The following GRM7 variants were observed in gnomAD, a reference collection of about 807,000 sequenced individuals.
GRM7 encodes the protein metabotropic glutamate receptor 7.
GRM7 carries 35 observed loss-of-function variants against 84.5 expected under a neutral mutation model. That is an observed-to-expected ratio of 0.41 (90% CI 0.32 to 0.55). GRM7 has a LOEUF of 0.55. Ranked by LOEUF, GRM7 falls within the 20% of genes least tolerant of loss-of-function variation. The pLI is 0.19. For missense variants in GRM7, 1,003 were observed against 1,194.6 expected (o/e 0.84, Z 2.36); for synonymous variants, 487 against 455.1 (o/e 1.07, Z -0.89).
At chr3:7,657,885 C>A (rs1273517606) in intron 8 of GRM7, among the ~76,000 whole-genome samples, 1 of 152,156 alleles carries the variant, frequency 6.6e-6, no homozygotes, top group African/African-American at 2.4e-5. Flanking sequence ...ACTGACCAGG[C>A]TGGCAGCTAA....
intron 8 of GRM7, among the ~76,000 whole-genome samples, chr3:7,604,803 T>C (rs951477128): frequency 1.3e-5 from 2 of 152,148 alleles, no homozygotes; most frequent in Non-Finnish European, 1.5e-5. Flanking sequence ...AGTTTCTGAA[T>C]TGAAGGTAGG....
intron 4 of GRM7, among the ~76,000 whole-genome samples, chr3:7,313,468 A>G (rs955356104): frequency 6.6e-6 from 1 of 152,194 alleles, no homozygotes; most frequent in Non-Finnish European, 1.5e-5. Flanking sequence ...TTTAAGCTAT[A>G]TATTTTGTTA....
intron 9 of GRM7, among the ~76,000 whole-genome samples, chr3:7,733,258 AG>A (rs1250358574): frequency 6.6e-6 from 1 of 152,190 alleles, no homozygotes; most frequent in Non-Finnish European, 1.5e-5. Flanking sequence ...AGGAAGAATT[AG>A]GCACATGAAC....
chr3:7,073,497 A>T (rs1697955759), intron 1 of GRM7, among the ~76,000 whole-genome samples: 1 of 152,122 alleles, frequency 6.6e-6, no homozygotes, highest in Non-Finnish European at 1.5e-5. Context: ...AAGGAAAAAA[A>T]TATCAGGGAA....
At chr3:7,734,617 G>A (rs1324135197) in intron 9 of GRM7, among the ~76,000 whole-genome samples, 5 of 152,160 alleles carry the variant, frequency 3.3e-5, no homozygotes, top group African/African-American at 1.2e-4. Context: ...GACTGATCAT[G>A]TTTTTACCCC....
intron 8 of GRM7, among the ~76,000 whole-genome samples, chr3:7,580,752 G>T (rs575055385): frequency 6.6e-4 from 100 of 152,194 alleles, no homozygotes; most frequent in African/African-American, 2.3e-3. Flanking sequence ...CGCTCAATAA[G>T]CATAGCATGT....
intron 4 of GRM7, among the ~76,000 whole-genome samples, chr3:7,349,025 C>T (rs1396942982): frequency 1.3e-5 from 2 of 151,922 alleles, no homozygotes; most frequent in South Asian, 4.2e-4. Flanking sequence ...AAACGTGGTC[C>T]CTGTGGTCCT....
At chr3:7,528,255 G>A (rs1575455670) in intron 7 of GRM7, among the ~76,000 whole-genome samples, 1 of 152,060 alleles carries the variant, frequency 6.6e-6, no homozygotes, top group African/African-American at 2.4e-5. Context: ...ATCTTGGAAG[G>A]TTGTGTATTT....
At chr3:7,468,107 C>T (rs934356953) in intron 7 of GRM7, among the ~76,000 whole-genome samples, 1 of 152,152 alleles carries the variant, frequency 6.6e-6, no homozygotes, top group Non-Finnish European at 1.5e-5. Context: ...GCTAATCACT[C>T]TATTGTTTCA....
chr3:7,395,110 G>C lies in GRM7; in HGVS notation c.1034-19913G>C, dbSNP rs1014474797. ...TTATAGCTGGAGATTCAGTTCCCAT[G>C]TTACGATTATTTTCTTCTTTTCCGC... On this transcript the variant is annotated intron_variant, in intron 4 of 9. Coordinates refer to ENST00000357716, the MANE Select transcript of GRM7 (RefSeq NM_000844.4). Among the ~76,000 whole-genome samples the C allele has an allele frequency of 2.6e-5, 4 of 151,420 alleles. 1 individual carries two copies. Among genetic ancestry groups the C allele is most frequent in the Non-Finnish European group, 5.9e-5 (4 of 67,930 alleles).
At chr3:7,270,644 G>C (rs911512757) in intron 2 of GRM7, among the ~76,000 whole-genome samples, 1 of 152,118 alleles carries the variant, frequency 6.6e-6, no homozygotes, top group Non-Finnish European at 1.5e-5. Flanking sequence ...TTGAAGACCA[G>C]CAGCTTCAGC....
Position 7,030,195 on chromosome 3 carries a change from G to A in GRM7, c.520-116257G>A, listed in dbSNP as rs534523212. The stretch of plus-strand genomic sequence containing the variant: ...AATGAAAAAAATACAAATGAAAAAG[G>A]AGTACACTCTATCATGACATTTCTA... On this transcript the variant is annotated intron_variant, in intron 1 of 9. Coordinates refer to ENST00000357716, the MANE Select transcript of GRM7 (RefSeq NM_000844.4). Among the ~76,000 whole-genome samples the A allele has an allele frequency of 3.9e-5, 6 of 152,246 alleles. No individual in the cohort carries two copies. The South Asian group carries it at 1.2e-3, about 32-fold the overall frequency.
In GRM7 at chr3:7,402,098, A is replaced by G. The variant is rs564894161; in HGVS notation, c.1034-12925A>G. On this transcript the variant is annotated intron_variant, in intron 4 of 9. Coordinates refer to ENST00000357716, the MANE Select transcript of GRM7 (RefSeq NM_000844.4). ...TTGACTCATCTCCCCAGGCAAACTG[A>G]ATTTTTCTACTTCTCAGCCTATGTG... Among the ~76,000 whole-genome samples, 27 of 152,146 alleles carry G rather than the reference A, an allele frequency of 1.8e-4. No homozygotes were observed. The South Asian group carries it at 5.2e-3, about 29-fold the overall frequency.
chr3:6,861,451 G>A lies in GRM7; in HGVS notation c.63G>A (p.Leu21=), dbSNP rs1694751211. The change falls in exon 1 of 10, where the codon CTG becomes CTA. Residue 21 remains leucine (L), a synonymous_variant. Transcript: ENST00000357716. This position sits in a 1 kb window ranked among gnomAD's most constrained non-coding sequence, Gnocchi z 6.4. The part of the protein sequence containing the change: ...LTLMKFPCCV[L]EVLLCALAAA... ...TGATGAAGTTCCCCTGCTGCGTGCT[G>A]GAGGTGCTCCTGTGCGCGCTGGCGG... is the stretch of plus-strand genomic sequence containing the variant. 5 of 1,602,614 alleles carry A rather than the reference G, an allele frequency of 3.1e-6. No individual in the cohort carries two copies. In the South Asian group the frequency reaches 5.6e-5, roughly 18 times the overall value.
chr3:6,879,863 G>A, intron 1 of GRM7, among the ~76,000 whole-genome samples: 1 of 152,166 alleles, frequency 6.6e-6, no homozygotes, highest in East Asian at 1.9e-4. Context: ...GCCACTAAGT[G>A]GTATCCATGA....
At chr3:7,030,244 A>G (rs1298961431) in intron 1 of GRM7, among the ~76,000 whole-genome samples, 2 of 152,256 alleles carry the variant, frequency 1.3e-5, no homozygotes, top group Non-Finnish European at 2.9e-5. Flanking sequence ...AATGCAGTCT[A>G]ATCTGTAGTG....
At chr3:7,484,023 T>C (rs1056235075) in intron 7 of GRM7, among the ~76,000 whole-genome samples, 2 of 152,198 alleles carry the variant, frequency 1.3e-5, no homozygotes, top group African/African-American at 4.8e-5. Flanking sequence ...AAAATTTGGC[T>C]TCACACTTTT....
intron 8 of GRM7, among the ~76,000 whole-genome samples, chr3:7,675,079 G>A (rs1285989952): frequency 1.3e-5 from 2 of 152,096 alleles, no homozygotes; most frequent in Non-Finnish European, 2.9e-5. Flanking sequence ...AGATAAAAGT[G>A]GTGATTCATT....
At chr3:6,971,287 C>G (rs1368214654) in intron 1 of GRM7, among the ~76,000 whole-genome samples, 1 of 152,052 alleles carries the variant, frequency 6.6e-6, no homozygotes, top group Non-Finnish European at 1.5e-5. Context: ...AAGTCAACAA[C>G]TAGCTGAATA....
Sources: gnomAD v4.1 joint callset for allele counts (sites outside exome capture counted in the v4.1 genomes callset) on GRCh38, gnomAD v4.1.1 for gene constraint, Gnocchi (gnomAD v3.1) non-coding constraint, MANE v1.5 for transcripts, NCBI Gene and HGNC (gene_info 2026-07-23, HGNC 2026-07-21) for gene names.